Variants in MAPT observed in about 807,000 individuals in gnomAD.
MAPT encodes microtubule-associated protein tau.
MAPT carries 34 observed loss-of-function variants against 67.9 expected under a neutral mutation model. The observed-to-expected ratio is 0.50, with a 90% CI of 0.38 to 0.67. The LOEUF (loss-of-function observed/expected upper bound fraction) is 0.67. Ranked by LOEUF, MAPT falls within the 30% of genes least tolerant of loss-of-function variation. The pLI is 0.00. For missense variants in MAPT, 881 were observed against 1,115.2 expected (o/e 0.79, Z 2.99); for synonymous variants, 456 against 464.5 (o/e 0.98, Z 0.23).
intron 9 of MAPT, among the ~76,000 whole-genome samples, chr17:46,000,045 C>T (rs867139621): frequency 1.3e-5 from 2 of 152,320 alleles, no homozygotes; most frequent in Non-Finnish European, 2.9e-5. Context: ...CTTTGGGTCC[C>T]TGTGGCCTCA....
chr17:45,983,933 C>T lies in MAPT; in HGVS notation c.1351+3C>T, dbSNP rs201611469. ...CAGCCGGGTCCCTCAACTCAAAGGT[C>T]TGTGTCTTGAGCTTCTTCGCTCCTT... On this transcript the variant is annotated splice_donor_region_variant and intron_variant, in intron 5 of 12. Transcript: ENST00000262410. 6.4e-6 allele frequency: 10 copies of T among 1,554,370 alleles called. No individual in the cohort carries two copies. In the African/African-American group the frequency reaches 1.4e-4, roughly 21 times the overall value.
Position 45,978,412 on chromosome 17 carries a change from A to T in MAPT, c.258A>T (p.Glu86Asp). The stretch of plus-strand genomic sequence containing the variant: ...GCATTGGAGACACCCCCAGCCTGGA[A>T]GACGAAGCTGCTGGTCACGTGACCC... ...EAGIGDTPSL[E>D]DEAAGHVTQE... The change falls in exon 4 of 13, where the codon GAA becomes GAT. Residue 86 changes from glutamate (E) to aspartate (D), a missense_variant. This residue lies in a region of MAPT where 687 missense variants were observed against 766.1 expected (regional missense o/e 0.90). Coordinates refer to ENST00000262410, the MANE Select transcript of MAPT (RefSeq NM_001377265.1). 1 of 1,612,162 alleles carries T rather than the reference A, an allele frequency of 6.2e-7. No individual in the cohort carries two copies. Among genetic ancestry groups the T allele is most frequent in the East Asian group, 2.2e-5 (1 of 44,768 alleles).
At chr17:45,898,334 G>A in intron 1 of MAPT, 1 of 152,212 alleles carries the variant, frequency 6.6e-6, no homozygotes, top group East Asian at 1.9e-4. Flanking sequence ...TTGCTCCTCC[G>A]ACAGGAACAA....
At chr17:45,993,841 T>TGGGTGCCTGCCAC in intron 8 of MAPT, 1 of 1,403,780 alleles carries the variant, frequency 7.1e-7, no homozygotes. Context: ...GGGCCAGCTG[T>TGGGTGCCTGCCAC]GGGTGCCTGC....
At position 45,983,802 on chromosome 17, in the gene MAPT, AG is replaced by A; in HGVS notation, c.1227del (p.Pro410GlnfsTer70). 1.9e-6 allele frequency: 3 copies of A among 1,613,454 alleles called. No individual in the cohort carries two copies. Among genetic ancestry groups the A allele is most frequent in the Non-Finnish European group, 2.5e-6 (3 of 1,179,894 alleles). Reference sequence around the variant, plus strand: ...GCTGCATTTCCAGGGGCCCCTGGAGAGGGGCCAGAGGCCCGGGGCCCCTCTT... The same window carrying A: ...GCTGCATTTCCAGGGGCCCCTGGAGAGGGCCAGAGGCCCGGGGCCCCTCTT... Reference protein sequence around the residue: ...GRAAFPGAPGEGPEARGPSLG... With the variant: ...GRAAFPGAPGXGPEARGPSLG... On this transcript the variant is annotated frameshift_variant, in exon 5 of 13. Transcript: ENST00000262410. LOFTEE classifies it high-confidence loss of function.
chr17:45,989,043 G>C (rs947977085), intron 6 of MAPT, among the ~76,000 whole-genome samples: 1 of 151,126 alleles, frequency 6.6e-6, no homozygotes, highest in Non-Finnish European at 1.5e-5. Context: ...TTTCCAACTT[G>C]GGGGGGGCAC....
rs1004803228 is a variant in MAPT at position 46,028,252 on chromosome 17, T to C, written c.*4081T>C. Reference sequence around the variant, plus strand: ...TTTCTGTCTGTGAATGTCTATATAGTGTATTGTGTGTTTTAACAAATGATT... The same window carrying C: ...TTTCTGTCTGTGAATGTCTATATAGCGTATTGTGTGTTTTAACAAATGATT... On this transcript the variant is annotated 3_prime_UTR_variant, in exon 13 of 13. Coordinates refer to ENST00000262410, the MANE Select transcript of MAPT (RefSeq NM_001377265.1). 2.0e-5 allele frequency: 3 copies of C among 152,450 alleles called. No homozygotes were observed. Among genetic ancestry groups the C allele is most frequent in the Non-Finnish European group, 2.9e-5 (2 of 68,002 alleles). 9.4% of individuals were successfully genotyped at this position (152,450 alleles called of 1,614,324 possible).
intron 9 of MAPT, among the ~76,000 whole-genome samples, chr17:46,006,287 AC>A (rs1292672988): frequency 6.6e-6 from 1 of 152,216 alleles, no homozygotes; most frequent in Non-Finnish European, 1.5e-5. Flanking sequence ...GTCATTTGAA[AC>A]AACATGGATG....
chr17:45,996,502 C>A lies in MAPT; in HGVS notation c.1836C>A (p.Thr612=). 1.2e-6 allele frequency: 2 copies of A among 1,613,584 alleles called. No homozygotes were observed. Among genetic ancestry groups the A allele is most frequent in the Non-Finnish European group, 1.7e-6 (2 of 1,179,908 alleles). Residue 612 remains threonine, a synonymous_variant, in exon 9 of 13, where the codon ACC becomes ACA. Transcript: ENST00000262410. The surrounding 1 kb of genome is among the most constrained non-coding windows in gnomAD (Gnocchi z 4.5). ...SRTPSLPTPP[T]REPKKVAVVR... ...CCCCGTCCCTTCCAACCCCACCCAC[C>A]CGGGAGCCCAAGAAGGTGGCAGTGG...
chr17:46,014,838 G>C (rs919565431), intron 11 of MAPT, among the ~76,000 whole-genome samples: 1 of 149,766 alleles, frequency 6.7e-6, no homozygotes, highest in African/African-American at 2.4e-5. Flanking sequence ...AGCAGAGATC[G>C]CGCCACTGCA....
chr17:45,922,926 G>A (rs890410678), intron 1 of MAPT, among the ~76,000 whole-genome samples: 6 of 152,216 alleles, frequency 3.9e-5, no homozygotes, highest in Admixed American at 6.5e-5. Flanking sequence ...CAGAGAGACC[G>A]AGCAACACCA....
chr17:45,946,615 A>AAAAAAATATATATATATATATATATAT, intron 1 of MAPT, among the ~76,000 whole-genome samples: 1 of 100,408 alleles, frequency 1.0e-5, no homozygotes, highest in African/African-American at 4.4e-5. Context: ...AAAAAAAAAA[A>AAAAAAATATATATATATATATATATAT]ATATATATAT....
At chr17:45,956,925 A>T (rs553739106) in intron 1 of MAPT, among the ~76,000 whole-genome samples, 2,276 of 151,772 alleles carry the variant, frequency 0.015, 61 homozygotes, top group African/African-American at 0.05. Context: ...AAGGACATGA[A>T]CTCATCATTT....
intron 1 of MAPT, among the ~76,000 whole-genome samples, chr17:45,905,291 G>A (rs1392135868): frequency 6.6e-6 from 1 of 152,102 alleles, no homozygotes; most frequent in Non-Finnish European, 1.5e-5. Flanking sequence ...TCTCTCCACC[G>A]GGTTCAGTTC....
chr17:45,994,095 C>A, intron 8 of MAPT: 2 of 963,184 alleles, frequency 2.1e-6, no homozygotes, highest in Non-Finnish European at 3.1e-6. Flanking sequence ...ACACAGGGTT[C>A]GCAGCCTGAA....
At chr17:45,953,090 A>G (rs1412627282) in intron 1 of MAPT, among the ~76,000 whole-genome samples, 5 of 152,178 alleles carry the variant, frequency 3.3e-5, no homozygotes, top group African/African-American at 9.7e-5. Flanking sequence ...AGGCACCTGC[A>G]TGGAGCAAGC....
chr17:46,017,346 T>C (rs191741169), intron 11 of MAPT, among the ~76,000 whole-genome samples: 1 of 151,550 alleles, frequency 6.6e-6, no homozygotes, highest in African/African-American at 2.4e-5. Context: ...CGATCTCGGC[T>C]CACTGCAACC....
intron 1 of MAPT, among the ~76,000 whole-genome samples, chr17:45,953,834 G>A (rs962410773): frequency 6.6e-6 from 1 of 152,116 alleles, no homozygotes; most frequent in African/African-American, 2.4e-5. Context: ...AAACAGTGGC[G>A]CATTGCCCTG....
In MAPT at chr17:45,935,194, G is replaced by A. The variant is rs897631014; in HGVS notation, c.-17-27127G>A. 2.3e-4 allele frequency among the ~76,000 whole-genome samples: 35 copies of A among 151,978 alleles called. 1 individual carries two copies. Among genetic ancestry groups the A allele is most frequent in the African/African-American group, 7.3e-4 (30 of 41,358 alleles). ...TCCAAAGATGCCTTTCCATTCCCTC[G>A]GGAGAGTCTGGGCAGCCCCTACTGG... On this transcript the variant is annotated intron_variant, in intron 1 of 12. Coordinates refer to ENST00000262410, the MANE Select transcript of MAPT (RefSeq NM_001377265.1).
Sources: gnomAD v4.1 joint callset for allele counts (sites outside exome capture counted in the v4.1 genomes callset) on GRCh38, gnomAD v4.1.1 for gene constraint, gnomAD v4.1.1 regional missense constraint, Gnocchi (gnomAD v3.1) non-coding constraint, MANE v1.5 for transcripts, NCBI Gene and HGNC (gene_info 2026-07-23, HGNC 2026-07-21) for gene names.